GLP1R: variants seen among roughly 807,000 people sequenced by gnomAD.
GLP1R encodes the protein glucagon-like peptide 1 receptor.
In GLP1R, 32 loss-of-function variants were observed where a neutral mutation model predicts 68.4. The observed-to-expected ratio is 0.47, with a 90% CI of 0.35 to 0.63. The LOEUF (loss-of-function observed/expected upper bound fraction) is 0.63, where lower values mean the gene tolerates loss of function less well. Ranked by LOEUF, GLP1R falls within the 20% of genes least tolerant of loss-of-function variation. GLP1R has a pLI of 0.00. For missense variants in GLP1R, 502 were observed against 594.9 expected, an observed-to-expected ratio of 0.84 and a Z score of 1.62; for synonymous variants, 263 against 244.4, an observed-to-expected ratio of 1.08 and a Z score of -0.71.
At position 39,090,805 on chromosome 6, in the gene GLP1R, C is replaced by T. The variant is rs1027062339; in HGVS notation, c.*4732C>T. 2.6e-4 allele frequency among the ~76,000 whole-genome samples: 39 copies of T among 151,972 alleles called. No homozygotes were observed. Among genetic ancestry groups the T allele is most frequent in the African/African-American group, 8.2e-4 (34 of 41,372 alleles). On this transcript the variant is annotated 3_prime_UTR_variant, in exon 13 of 13. Coordinates refer to ENST00000373256, the MANE Select transcript of GLP1R (RefSeq NM_002062.5). ...AGATGTGGTGAGAAAAGAGCTCTCACCACAATTTGAAACATATAAAAAGTT... is the reference window on the plus strand; with the variant it reads ...AGATGTGGTGAGAAAAGAGCTCTCATCACAATTTGAAACATATAAAAAGTT...
chr6:39,077,630 G>A (rs566811297), intron 7 of GLP1R, among the ~76,000 whole-genome samples: 2 of 152,334 alleles, frequency 1.3e-5, no homozygotes, highest in African/African-American at 4.8e-5. Context: ...GATACAACGT[G>A]GACTAACTAC....
intron 5 of GLP1R, 103 bp downstream of exon 5, chr6:39,066,406 T>A: frequency 3.1e-6 from 2 of 650,428 alleles, no homozygotes; most frequent in Middle Eastern, 2.5e-4. Context: ...TGCAGCACAT[T>A]CGTCCTTCTC....
chr6:39,085,771 C>T, intron 12 of GLP1R, 135 bp from the exon 13 acceptor site: 1 of 772,988 alleles, frequency 1.3e-6, no homozygotes, highest in Non-Finnish European at 2.2e-6. Flanking sequence ...AATTTAGGAG[C>T]CCGAAGGCCT....
chr6:39,072,212 T>C (rs1055581453), intron 5 of GLP1R, among the ~76,000 whole-genome samples: 3 of 152,208 alleles, frequency 2.0e-5, no homozygotes, highest in Non-Finnish European at 2.9e-5. Flanking sequence ...TCTTGTACAT[T>C]TTTCCCTTGC....
rs780507821 is a variant in GLP1R at position 39,073,715 on chromosome 6, T to A, written c.769T>A (p.Phe257Ile). Residue 257 changes from phenylalanine to isoleucine, a missense_variant, in exon 7 of 13, where the codon TTC (phenylalanine) becomes ATC (isoleucine). Phe to Ile is a conservative substitution (Grantham distance 21, BLOSUM62 0). Coordinates refer to ENST00000373256, the MANE Select transcript of GLP1R (RefSeq NM_002062.5). ...EGVYLYTLLA[F>I]SVLSEQWIFR... ...CGTGTACCTGTACACACTGCTGGCC[T>A]TCTCGGTCTTATCTGAGCAATGGAT... The A allele has an allele frequency of 6.2e-7, 1 of 1,613,900 alleles. No individual in the cohort carries two copies. Among genetic ancestry groups the A allele is most frequent in the Non-Finnish European group, 8.5e-7 (1 of 1,179,922 alleles).
rs1768038169 is a variant in GLP1R at position 39,049,542 on chromosome 6, C to T, written c.78+624C>T. Among the ~76,000 whole-genome samples the T allele has an allele frequency of 6.6e-6, 1 of 152,116 alleles. No homozygotes were observed. The highest frequency in any genetic ancestry group is 2.1e-4 in the South Asian group (1 of 4,826). ...CCCAGATGGAACCTACCCCCCGTCC[C>T]CTACCAGCCTCTGTAGCAAACAGGC... is the stretch of plus-strand genomic sequence containing the variant. On this transcript the variant is annotated intron_variant, in intron 1 of 12. Coordinates refer to ENST00000373256, the MANE Select transcript of GLP1R (RefSeq NM_002062.5). The surrounding 1 kb of genome is among the most constrained non-coding windows in gnomAD (Gnocchi z 4.5).
At position 39,079,065 on chromosome 6, in the gene GLP1R, T is replaced by C. The variant is rs766554045; in HGVS notation, c.954+39T>C. 4 of 1,609,394 alleles carry C rather than the reference T, an allele frequency of 2.5e-6. No homozygotes were observed. The highest frequency in any genetic ancestry group is 3.4e-6 in the Non-Finnish European group (4 of 1,175,666). On this transcript the variant is annotated intron_variant, in intron 9 of 12. Coordinates refer to ENST00000373256, the MANE Select transcript of GLP1R (RefSeq NM_002062.5). This position sits in a 1 kb window ranked among gnomAD's most constrained non-coding sequence, Gnocchi z 4.5. Reference sequence around the variant, plus strand: ...TCAGGGATGGGAGTGGCAGCTATGATAGGGCTGGGCTGGTGCCCCCTGCCA... The same window carrying C: ...TCAGGGATGGGAGTGGCAGCTATGACAGGGCTGGGCTGGTGCCCCCTGCCA...
chr6:39,063,250 G>T (rs1315033730), intron 3 of GLP1R, among the ~76,000 whole-genome samples: 2 of 152,074 alleles, frequency 1.3e-5, no homozygotes, highest in African/African-American at 4.8e-5. Flanking sequence ...TGCTTTTGGG[G>T]GTATCTACAG....
At chr6:39,084,360 G>A (rs1769089853) in intron 12 of GLP1R, among the ~76,000 whole-genome samples, 1 of 152,216 alleles carries the variant, frequency 6.6e-6, no homozygotes, top group Non-Finnish European at 1.5e-5. Context: ...TTCAGGAAAA[G>A]TGCTGAAGGA....
intron 5 of GLP1R, among the ~76,000 whole-genome samples, chr6:39,071,216 C>T (rs950486831): frequency 7.9e-5 from 12 of 151,854 alleles, no homozygotes; most frequent in African/African-American, 1.5e-4. Context: ...CATGGTGGCA[C>T]CCGCCTGTAA....
chr6:39,083,063 G>C (rs1055251510), intron 12 of GLP1R, among the ~76,000 whole-genome samples: 5 of 152,064 alleles, frequency 3.3e-5, no homozygotes, highest in Non-Finnish European at 7.4e-5. Flanking sequence ...CTTTGTAAGG[G>C]GATAGTACTT....
intron 1 of GLP1R, among the ~76,000 whole-genome samples, chr6:39,054,535 T>C (rs1768165833): frequency 6.7e-6 from 1 of 149,782 alleles, no homozygotes; most frequent in Admixed American, 6.6e-5. Flanking sequence ...TAGTTTTATG[T>C]CCACAGCTCT....
At chr6:39,074,841 C>A (rs938115159) in intron 7 of GLP1R, among the ~76,000 whole-genome samples, 1 of 152,210 alleles carries the variant, frequency 6.6e-6, no homozygotes, top group Non-Finnish European at 1.5e-5. Context: ...CACCAGTCCT[C>A]GTGGTTCTGT....
chr6:39,065,630 T>C, intron 3 of GLP1R, 81 bp from the exon 4 acceptor site: 1 of 797,218 alleles, frequency 1.3e-6, no homozygotes, highest in East Asian at 2.7e-5. Flanking sequence ...GCCCTCAGAA[T>C]GGGGAGGAAG....
intron 3 of GLP1R, among the ~76,000 whole-genome samples, chr6:39,063,000 T>A (rs1381353584): frequency 6.6e-6 from 1 of 152,208 alleles, no homozygotes; most frequent in Non-Finnish European, 1.5e-5. Flanking sequence ...GCCTACTGTA[T>A]GCCAGGCCCT....
rs750191459 is a variant in GLP1R, at chr6:39,079,323, C to T, written c.1043+123C>T. 15 of 850,876 alleles carry T rather than the reference C, an allele frequency of 1.8e-5. No individual in the cohort carries two copies. The highest frequency in any genetic ancestry group is 2.5e-5 in the Non-Finnish European group (13 of 520,606). The allele number at this position is 850,876 out of a possible 1,614,324, so 52.7% of individuals were successfully genotyped here. ...GCCCTACACTACCCTCTCCTTCCAC[C>T]CAGGCCTGGCCTTGGACCCCAAACC... On this transcript the variant is annotated intron_variant, in intron 10 of 12. Transcript: ENST00000373256. This position sits in a 1 kb window ranked among gnomAD's most constrained non-coding sequence, Gnocchi z 4.5.
At chr6:39,083,215 C>T (rs1224648331) in intron 12 of GLP1R, among the ~76,000 whole-genome samples, 1 of 152,206 alleles carries the variant, frequency 6.6e-6, no homozygotes, top group Non-Finnish European at 1.5e-5. Flanking sequence ...GCTCAGAGAA[C>T]GGGAGAACCT....
intron 1 of GLP1R, among the ~76,000 whole-genome samples, chr6:39,055,310 G>A (rs1039022139): frequency 2.6e-5 from 4 of 152,224 alleles, no homozygotes; most frequent in African/African-American, 7.2e-5. Context: ...AATTATGTAT[G>A]GGTCCTACAT....
intron 1 of GLP1R, among the ~76,000 whole-genome samples, chr6:39,051,259 G>A (rs1248617426): frequency 2.0e-5 from 3 of 152,298 alleles, no homozygotes; most frequent in East Asian, 3.9e-4. Context: ...AGGATCATAA[G>A]CTCTATCACA....
Sources: gnomAD v4.1 joint callset for allele counts (sites outside exome capture counted in the v4.1 genomes callset) on GRCh38, gnomAD v4.1.1 for gene constraint, Gnocchi (gnomAD v3.1) non-coding constraint, MANE v1.5 for transcripts, NCBI Gene and HGNC (gene_info 2026-07-23, HGNC 2026-07-21) for gene names.